Variants in SASH1 observed in about 807,000 individuals in gnomAD.
The protein encoded by SASH1 is SAM and SH3 domain containing 1, also known as SAM and SH3 domain-containing protein 1.
In SASH1, 44 loss-of-function variants were observed where a neutral mutation model predicts 125.2. That is an observed-to-expected ratio of 0.35 (90% CI 0.28 to 0.45). The LOEUF is 0.45. SASH1 is among the 20% of genes least tolerant of loss of function. SASH1 has a pLI of 1.00. For missense variants in SASH1, 1,426 were observed against 1,614.5 expected (o/e 0.88, Z 2.00); for synonymous variants, 639 against 649.1 (o/e 0.98, Z 0.24).
chr6:148,543,583 G>A, intron 17 of SASH1, 97 bp from the exon 18 acceptor site: 1 of 981,570 alleles, frequency 1.0e-6, no homozygotes, highest in Non-Finnish European at 1.5e-6. Context: ...ATAGGATGTG[G>A]GTGTTGGAGA....
intron 1 of SASH1, among the ~76,000 whole-genome samples, chr6:148,291,764 T>C (rs185112056): frequency 3.9e-5 from 6 of 152,046 alleles, no homozygotes; most frequent in Non-Finnish European, 5.9e-5. Context: ...TTAAGTCAAA[T>C]GAAAACCAAA....
intron 1 of SASH1, among the ~76,000 whole-genome samples, chr6:148,334,185 G>A (rs1224161585): frequency 1.4e-5 from 2 of 144,386 alleles, no homozygotes; most frequent in African/African-American, 5.0e-5. Flanking sequence ...AGCACTTTGG[G>A]AGGCCGAGGC....
At chr6:148,204,070 G>A in the SASH1 span, among the ~76,000 whole-genome samples, 1 of 152,178 alleles carries the variant, frequency 6.6e-6, no homozygotes, top group African/African-American at 2.4e-5. Flanking sequence ...CTACACTGCT[G>A]AACCACATTC....
At chr6:148,277,589 A>G (rs1391891512) in intron 1 of SASH1, among the ~76,000 whole-genome samples, 1 of 152,238 alleles carries the variant, frequency 6.6e-6, no homozygotes, top group Non-Finnish European at 1.5e-5. Flanking sequence ...ATTCTTTCCG[A>G]AAGTTTGCAG....
intron 1 of SASH1, among the ~76,000 whole-genome samples, chr6:148,298,126 C>T (rs1246561554): frequency 1.3e-5 from 2 of 151,628 alleles, no homozygotes; most frequent in South Asian, 4.2e-4. Context: ...CCTGCCTCAG[C>T]CTCCCTAGTA....
At chr6:148,264,002 T>C in the SASH1 span, among the ~76,000 whole-genome samples, 1 of 152,268 alleles carries the variant, frequency 6.6e-6, no homozygotes, top group East Asian at 1.9e-4. Flanking sequence ...GTTTTGTTTA[T>C]TGTTACCTGT....
rs373278121 is a variant in SASH1 at position 148,517,717 on chromosome 6, G to A, written c.863-1830G>A. ...TGAACCCGAGAATAGAGCTACATTC[G>A]TCATGGACATGCGTGCACCAGCTGG... On this transcript the variant is annotated intron_variant, in intron 9 of 19. Coordinates refer to ENST00000367467, the MANE Select transcript of SASH1 (RefSeq NM_015278.5). Among the ~76,000 whole-genome samples, 57 of 152,284 alleles carry A rather than the reference G, an allele frequency of 3.7e-4. 1 individual carries two copies. In the East Asian group the frequency reaches 7.7e-3, roughly 21 times the overall value.
Position 148,494,830 on chromosome 6 carries a change from T to C in SASH1, c.729+7115T>C, listed in dbSNP as rs145039903. Among the ~76,000 whole-genome samples, 808 of 152,324 alleles carry C rather than the reference T, an allele frequency of 5.3e-3. 15 individuals carry two copies. Among genetic ancestry groups the C allele is most frequent in the African/African-American group, 0.019 (771 of 41,578 alleles). ...AAAACTTTGGGCCACAGACACAGAA[T>C]GCCGTGGAGCTATTTTCAATGTTTC... On this transcript the variant is annotated intron_variant, in intron 8 of 19. Transcript: ENST00000367467.
intron 1 of SASH1, among the ~76,000 whole-genome samples, chr6:148,328,457 G>A (rs1397632390): frequency 1.3e-5 from 2 of 152,086 alleles, no homozygotes; most frequent in Non-Finnish European, 2.9e-5. Context: ...GCCAGGCGCA[G>A]TGGTGGGCAC....
intron 2 of SASH1, among the ~76,000 whole-genome samples, chr6:148,394,037 T>C (rs1207352228): frequency 1.3e-5 from 2 of 151,660 alleles, no homozygotes; most frequent in African/African-American, 4.8e-5. Flanking sequence ...GGATTACAGG[T>C]GCCCGCTACC....
chr6:148,540,688 A>T, intron 17 of SASH1, 132 bp downstream of exon 17: 1 of 665,516 alleles, frequency 1.5e-6, no homozygotes, highest in South Asian at 1.8e-5. Flanking sequence ...CCTCTACACC[A>T]TTCTAGTCCA....
chr6:148,474,356 TACAA>T, intron 7 of SASH1, 134 bp downstream of exon 7: 1 of 565,232 alleles, frequency 1.8e-6, no homozygotes, highest in South Asian at 2.3e-5. Context: ...GTTTACTTGA[TACAA>T]ACATTCTACT....
intron 4 of SASH1, among the ~76,000 whole-genome samples, chr6:148,445,813 C>T (rs374098905): frequency 6.6e-6 from 1 of 152,142 alleles, no homozygotes; most frequent in East Asian, 1.9e-4. Flanking sequence ...CTCATTTCCT[C>T]GTGCAGCAGC....
At chr6:148,297,626 A>G (rs1779799181) in intron 1 of SASH1, among the ~76,000 whole-genome samples, 1 of 152,162 alleles carries the variant, frequency 6.6e-6, no homozygotes, top group Admixed American at 6.5e-5. Context: ...TCAGGAGTTC[A>G]AGACCAGCCT....
chr6:148,504,430 A>G (rs375148591), intron 8 of SASH1, among the ~76,000 whole-genome samples: 62 of 152,272 alleles, frequency 4.1e-4, no homozygotes, highest in African/African-American at 1.3e-3. Flanking sequence ...ATGAGGACCA[A>G]TTCCTCACCA....
chr6:148,391,736 A>G (rs566447400), intron 2 of SASH1, among the ~76,000 whole-genome samples: 4 of 152,360 alleles, frequency 2.6e-5, no homozygotes, highest in Admixed American at 1.3e-4. Context: ...TATATTTGCT[A>G]TAAAATATCA....
intron 4 of SASH1, among the ~76,000 whole-genome samples, chr6:148,441,036 T>C (rs914481401): frequency 6.6e-6 from 1 of 152,246 alleles, no homozygotes; most frequent in Non-Finnish European, 1.5e-5. Context: ...AACAAGAGAA[T>C]CTTTTTTCTA....
the SASH1 span, among the ~76,000 whole-genome samples, chr6:148,261,284 G>T: frequency 1.3e-5 from 2 of 152,112 alleles, no homozygotes; most frequent in African/African-American, 4.8e-5. Flanking sequence ...GGGAGTGGCT[G>T]TACCACCCAA....
At chr6:148,474,356 T>TA in intron 7 of SASH1, 134 bp downstream of exon 7, 1 of 565,232 alleles carries the variant, frequency 1.8e-6, no homozygotes, top group Non-Finnish European at 3.1e-6. Context: ...GTTTACTTGA[T>TA]ACAAACATTC....
Sources: allele counts gnomAD v4.1 joint callset (sites outside exome capture counted in the v4.1 genomes callset), GRCh38; gene constraint gnomAD v4.1.1; transcripts MANE v1.5; gene names NCBI Gene and HGNC (gene_info 2026-07-23, HGNC 2026-07-21).